The following NBEA variants were observed in gnomAD, a reference collection of about 807,000 sequenced individuals.
The protein encoded by NBEA is neurobeachin, also known as lysosomal-trafficking regulator 2.
NBEA carries 44 observed loss-of-function variants against 343.4 expected under a neutral mutation model. That is an observed-to-expected ratio of 0.13 (90% CI 0.10 to 0.16). NBEA has a LOEUF of 0.16. Among genes scored for constraint, NBEA ranks in the 10% least tolerant of loss-of-function variants. NBEA has a pLI of 1.00. For synonymous variants in NBEA, 1,175 were observed against 1,238.7 expected (o/e 0.95, Z 1.08); for missense variants, 2,555 against 3,631.3 (o/e 0.70, Z 7.62).
At chr13:35,360,922 A>G (rs1298357739) in intron 38 of NBEA, among the ~76,000 whole-genome samples, 1 of 151,996 alleles carries the variant, frequency 6.6e-6, no homozygotes, top group Non-Finnish European at 1.5e-5. Flanking sequence ...AGAAATTGGT[A>G]CAGAAACATT....
At chr13:35,186,491 A>C (rs1157047865) in intron 30 of NBEA, 1 of 152,156 alleles carries the variant, frequency 6.6e-6, no homozygotes, top group Non-Finnish European at 1.5e-5. Flanking sequence ...TATAACTTAC[A>C]TCTTATTTTA....
chr13:35,002,878 C>T (rs547287448), intron 1 of NBEA, among the ~76,000 whole-genome samples: 7 of 152,126 alleles, frequency 4.6e-5, no homozygotes, highest in Admixed American at 2.0e-4. Context: ...AGTCAGTTGG[C>T]GAGAGGTCAG....
chr13:35,155,913 T>G, intron 19 of NBEA, 58 bp downstream of exon 19: 1 of 1,539,972 alleles, frequency 6.5e-7, no homozygotes, highest in Non-Finnish European at 9.0e-7. Context: ...CATATGAGAC[T>G]AAATCAAAAC....
chr13:34,969,985 AT>A (rs1164207461), intron 1 of NBEA, among the ~76,000 whole-genome samples: 2 of 152,074 alleles, frequency 1.3e-5, no homozygotes, highest in African/African-American at 4.8e-5. Flanking sequence ...ATTTTCTACA[AT>A]GGTTGAGCTA....
intron 34 of NBEA, among the ~76,000 whole-genome samples, chr13:35,242,807 A>T (rs191213404): frequency 6.6e-6 from 1 of 151,988 alleles, no homozygotes; most frequent in East Asian, 1.9e-4. Context: ...CTCCAGCAAA[A>T]CTGTCCTTTA....
At chr13:35,194,133 G>T (rs2152740536) in intron 30 of NBEA, among the ~76,000 whole-genome samples, 1 of 151,890 alleles carries the variant, frequency 6.6e-6, no homozygotes, top group East Asian at 1.9e-4. Flanking sequence ...TATGCCATTA[G>T]TTTAAATTCA....
chr13:35,060,230 T>C (rs1462745705), intron 8 of NBEA, among the ~76,000 whole-genome samples: 5 of 151,840 alleles, frequency 3.3e-5, no homozygotes, highest in South Asian at 4.1e-4. Flanking sequence ...ATATGATTGC[T>C]AATGTTAAAT....
intron 34 of NBEA, among the ~76,000 whole-genome samples, chr13:35,246,910 G>T (rs1342250389): frequency 2.0e-5 from 3 of 152,152 alleles, no homozygotes; most frequent in Admixed American, 6.5e-5. Flanking sequence ...GGACCATCAG[G>T]TGGGGGCAGG....
In NBEA at chr13:35,182,587, C is replaced by A. The variant is rs557750200; in HGVS notation, c.4831+59C>A. On this transcript the variant is annotated intron_variant, in intron 29 of 58. Transcript: ENST00000379939. ...CCATGATGTATCTCCTTTTTTTCAC[C>A]TTTACATCTAGATTTAAACTGGACC... is the stretch of plus-strand genomic sequence containing the variant. The A allele has an allele frequency of 2.7e-6, 4 of 1,462,458 alleles. No individual in the cohort carries two copies. The Admixed American group carries it at 6.5e-5, about 24-fold the overall frequency. 90.6% of individuals were successfully genotyped at this position (1,462,458 alleles called of 1,614,324 possible).
At chr13:35,011,432 C>T (rs1269231919) in intron 1 of NBEA, among the ~76,000 whole-genome samples, 6 of 152,112 alleles carry the variant, frequency 3.9e-5, no homozygotes, top group African/African-American at 7.2e-5. Flanking sequence ...ACCTTGAATA[C>T]TATAATATAC....
intron 36 of NBEA, among the ~76,000 whole-genome samples, chr13:35,324,048 G>C (rs1006694033): frequency 6.6e-6 from 1 of 152,108 alleles, no homozygotes; most frequent in South Asian, 2.1e-4. Context: ...AGATCAACTT[G>C]GCAATAGAGG....
chr13:35,406,017 G>A (rs898883440), intron 38 of NBEA, among the ~76,000 whole-genome samples: 3 of 151,944 alleles, frequency 2.0e-5, no homozygotes, highest in Non-Finnish European at 2.9e-5. Context: ...TGCTATTCCT[G>A]CCCCCTCCAT....
At chr13:35,100,235 A>G (rs1593343360) in intron 11 of NBEA, among the ~76,000 whole-genome samples, 1 of 152,074 alleles carries the variant, frequency 6.6e-6, no homozygotes, top group Admixed American at 6.5e-5. Flanking sequence ...ACATGTCTTT[A>G]TACATATTGT....
At chr13:35,166,380 T>C (rs1380028871) in intron 24 of NBEA, among the ~76,000 whole-genome samples, 2 of 152,178 alleles carry the variant, frequency 1.3e-5, no homozygotes, top group Non-Finnish European at 2.9e-5. Flanking sequence ...ATGATGATTG[T>C]ACAGTAAAGA....
chr13:35,654,909 T>A lies in NBEA; in HGVS notation c.8090T>A (p.Ile2697Lys). 6.3e-7 allele frequency: 1 copy of A among 1,591,380 alleles called. No homozygotes were observed. The highest frequency in any genetic ancestry group is 1.4e-5 in the African/African-American group (1 of 73,598). ...ATCACAGACCTCGTTGACCAGAGTA[T>A]ACAAATCAATGCACATTGTTTTGTG... ...RQITDLVDQSIQINAHCFVVT... is the reference protein window; with the variant it reads ...RQITDLVDQSKQINAHCFVVT... The change falls in exon 54 of 59, where the codon ATA becomes AAA. Residue 2697 changes from isoleucine to lysine, a missense_variant. By Grantham distance (102) the Ile-to-Lys change is moderately radical (BLOSUM62 -3). Coordinates refer to ENST00000379939, the MANE Select transcript of NBEA (RefSeq NM_001385012.1).
chr13:35,120,934 T>G (rs1026047180), intron 16 of NBEA, among the ~76,000 whole-genome samples: 4 of 152,182 alleles, frequency 2.6e-5, no homozygotes, highest in African/African-American at 9.7e-5. Flanking sequence ...AGATGTGTGA[T>G]GGACCTAGAC....
intron 10 of NBEA, among the ~76,000 whole-genome samples, chr13:35,082,889 G>T (rs1407686390): frequency 6.6e-6 from 1 of 152,124 alleles, no homozygotes; most frequent in African/African-American, 2.4e-5. Flanking sequence ...TCTGATGGTA[G>T]TTTCTTTTGC....
At chr13:35,619,133 C>A (rs1398145265) in intron 48 of NBEA, among the ~76,000 whole-genome samples, 1 of 150,652 alleles carries the variant, frequency 6.6e-6, no homozygotes, top group African/African-American at 2.4e-5. Context: ...CTTTTAAAAA[C>A]CCCAGCTTAA....
At chr13:35,243,736 A>G (rs954794627) in intron 34 of NBEA, among the ~76,000 whole-genome samples, 2 of 152,046 alleles carry the variant, frequency 1.3e-5, no homozygotes, top group East Asian at 1.9e-4. Flanking sequence ...CAAACATGAG[A>G]GTTCCTAAGT....
Sources: allele counts gnomAD v4.1 joint callset (sites outside exome capture counted in the v4.1 genomes callset), GRCh38; gene constraint gnomAD v4.1.1; transcripts MANE v1.5; gene names NCBI Gene and HGNC (gene_info 2026-07-23, HGNC 2026-07-21).